YBEY: variants seen among roughly 807,000 people sequenced by gnomAD.
YBEY encodes the protein endoribonuclease YbeY.
Under a neutral mutation model 13.5 loss-of-function variants are expected in YBEY, and 15 were observed. The observed-to-expected ratio is 1.11, with a 90% CI of 0.75 to 1.72. The LOEUF is 1.72. Among genes scored for constraint, YBEY ranks in the 40% most tolerant of loss-of-function variants. YBEY has a pLI of 0.00. For missense variants in YBEY, 244 were observed against 208.4 expected (o/e 1.17, Z -1.05); for synonymous variants, 101 against 83.1 (o/e 1.21, Z -1.17).
At chr21:46,311,986 C>CCCATCCACCCATCCACCCACCCAT in the YBEY span, among the ~76,000 whole-genome samples, 1 of 89,378 alleles carries the variant, frequency 1.1e-5, no homozygotes, top group Non-Finnish European at 2.1e-5. Flanking sequence ...CATCCATCCA[C>CCCATCCACCCATCCACCCACCCAT]CCATCCACCC....
At chr21:46,309,077 G>C in the YBEY span, among the ~76,000 whole-genome samples, 53 of 152,194 alleles carry the variant, frequency 3.5e-4, no homozygotes, top group African/African-American at 1.3e-3. Context: ...CTAGTACTTT[G>C]GGAGGCTGAG....
intron 3 of YBEY, among the ~76,000 whole-genome samples, chr21:46,294,724 C>T (rs976151597): frequency 2.7e-5 from 4 of 150,864 alleles, no homozygotes; most frequent in East Asian, 2.0e-4. Context: ...TCACTGTTAT[C>T]ATTTTTGCAC....
chr21:46,291,216 AG>A, intron 2 of YBEY, 117 bp from the exon 3 acceptor site: 2 of 915,288 alleles, frequency 2.2e-6, no homozygotes, highest in East Asian at 3.6e-5. Flanking sequence ...AAAAAAAAAA[AG>A]TGATTTGGCT....
chr21:46,308,734 G>A, the YBEY span, among the ~76,000 whole-genome samples: 1 of 152,106 alleles, frequency 6.6e-6, no homozygotes, highest in Non-Finnish European at 1.5e-5. Context: ...GCCTGTAAGG[G>A]GTACTTGGAT....
At position 46,291,367 on chromosome 21, in the gene YBEY, T is replaced by G. The variant is rs1312741815; in HGVS notation, c.244T>G (p.Phe82Val). 1 of 1,614,002 alleles carries G rather than the reference T, an allele frequency of 6.2e-7. No individual in the cohort carries two copies. Among genetic ancestry groups the G allele is most frequent in the Non-Finnish European group, 8.5e-7 (1 of 1,180,018 alleles). The change falls in exon 3 of 5, where the codon TTT (phenylalanine) becomes GTT (valine). Residue 82 changes from phenylalanine (F) to valine (V), a missense_variant. By Grantham distance (50) the Phe-to-Val change is conservative. Transcript: ENST00000397701. ...AGCAGGTGAATTTCCCCAGCCTGAT[T>G]TTCCAGATGACTACAATTTGGGAGA... ...LKAGEFPQPD[F>V]PDDYNLGDIF...
At chr21:46,311,101 A>G in the YBEY span, among the ~76,000 whole-genome samples, 1 of 151,700 alleles carries the variant, frequency 6.6e-6, no homozygotes, top group African/African-American at 2.4e-5. Context: ...CGAACTCTTG[A>G]CCTCAGGTAA....
chr21:46,289,447 T>TTTTG (rs2081602098), intron 2 of YBEY, among the ~76,000 whole-genome samples: 1 of 126,594 alleles, frequency 7.9e-6, no homozygotes, highest in Non-Finnish European at 1.7e-5. Flanking sequence ...AAGGGTTTTG[T>TTTTG]TTTTTTTTTT....
the YBEY span, among the ~76,000 whole-genome samples, chr21:46,303,939 G>C: frequency 1.4e-5 from 2 of 142,970 alleles, no homozygotes; most frequent in African/African-American, 5.2e-5. Flanking sequence ...TTTTTGTAGA[G>C]ATGGGGTTTC....
At chr21:46,298,719 A>G (rs58081720), downstream of YBEY, among the ~76,000 whole-genome samples, 81,039 of 146,738 alleles carry the variant, frequency 0.55, 22,714 homozygotes, top group Middle Eastern at 0.62. Context: ...GTGAGCCACC[A>G]CGCCCGGCCT....
chr21:46,303,504 G>A, the YBEY span, among the ~76,000 whole-genome samples: 1 of 151,094 alleles, frequency 6.6e-6, no homozygotes, highest in Non-Finnish European at 1.5e-5. Flanking sequence ...CAGGCAACCT[G>A]AAAGAAAAAT....
chr21:46,300,259 G>A (rs570355784), downstream of YBEY: 13 of 153,606 alleles, frequency 8.5e-5, no homozygotes, highest in South Asian at 2.4e-3. Flanking sequence ...GTGAAACCCC[G>A]TCTCTACTAA....
chr21:46,296,721 G>A (rs1028328112), intron 4 of YBEY, among the ~76,000 whole-genome samples: 1 of 152,222 alleles, frequency 6.6e-6, no homozygotes, highest in African/African-American at 2.4e-5. Context: ...TTGGCCGGGC[G>A]CAGTGGCTCA....
chr21:46,299,747 T>C (rs1200593168), downstream of YBEY, among the ~76,000 whole-genome samples: 1 of 146,684 alleles, frequency 6.8e-6, no homozygotes, highest in African/African-American at 2.5e-5. Context: ...CAATGTGCCC[T>C]GAGCCCCCCC....
downstream of YBEY, among the ~76,000 whole-genome samples, chr21:46,298,438 T>G (rs542208395): frequency 1.1e-4 from 13 of 116,098 alleles, 1 homozygote; most frequent in East Asian, 3.0e-3. Flanking sequence ...TCCAAGCTTT[T>G]TTTTTTTTGA....
intron 3 of YBEY, 75 bp downstream of exon 3, chr21:46,291,537 C>G (rs2145791558): frequency 6.3e-7 from 1 of 1,590,984 alleles, no homozygotes; most frequent in Non-Finnish European, 8.6e-7. Context: ...GATCACAACC[C>G]TGCATCCATG....
chr21:46,306,195 G>A, the YBEY span, among the ~76,000 whole-genome samples: 1 of 152,004 alleles, frequency 6.6e-6, no homozygotes, highest in Non-Finnish European at 1.5e-5. Flanking sequence ...ATTTGAATAT[G>A]CAGCAAAACT....
downstream of YBEY, among the ~76,000 whole-genome samples, chr21:46,299,750 G>GCCCCCCCCCCCC (rs545785598): frequency 1.4e-3 from 203 of 147,172 alleles, 1 homozygote; most frequent in African/African-American, 4.0e-3. Context: ...TGTGCCCTGA[G>GCCCCCCCCCCCC]CCCCCCCCAC....
the YBEY span, among the ~76,000 whole-genome samples, chr21:46,304,020 GTTTTTTTTTTT>G: frequency 2.2e-5 from 1 of 44,566 alleles, no homozygotes; most frequent in Non-Finnish European, 4.3e-5. Flanking sequence ...CAAAGTGCTG[GTTTTTTTTTTT>G]TTTTTTTTTT....
chr21:46,308,056 C>T, the YBEY span, among the ~76,000 whole-genome samples: 1 of 151,868 alleles, frequency 6.6e-6, no homozygotes, highest in Non-Finnish European at 1.5e-5. Flanking sequence ...TACAAAGGCA[C>T]GATTTCTGCT....
Sources: gnomAD v4.1 joint callset for allele counts (sites outside exome capture counted in the v4.1 genomes callset) on GRCh38, gnomAD v4.1.1 for gene constraint, MANE v1.5 for transcripts, NCBI Gene and HGNC (gene_info 2026-07-23, HGNC 2026-07-21) for gene names.